LHX6: variants seen among roughly 807,000 people sequenced by gnomAD.
The protein encoded by LHX6 is LIM/homeobox protein Lhx6.
In LHX6, 15 loss-of-function variants were observed where a neutral mutation model predicts 47.1. The observed-to-expected ratio is 0.32, with a 90% confidence interval of 0.21 to 0.49. The LOEUF (loss-of-function observed/expected upper bound fraction) is 0.49. Among genes scored for constraint, LHX6 ranks in the 20% least tolerant of loss-of-function variants. The probability of loss-of-function intolerance (pLI) is 0.99; values close to 1 mark genes in which losing one functional copy is unlikely to be tolerated. For synonymous variants in LHX6, 242 were observed against 233.5 expected (o/e 1.04, Z -0.33); for missense variants, 404 against 539.6 (o/e 0.75, Z 2.49).
At chr9:122,219,114 G>T (rs12237553) in intron 4 of LHX6, among the ~76,000 whole-genome samples, 27,509 of 152,134 alleles carry the variant, frequency 0.18, 3,170 homozygotes, top group Admixed American at 0.28. Flanking sequence ...CGGCAAAAAG[G>T]CTCTGGTTAC....
chr9:122,226,298 A>T lies in LHX6; in HGVS notation c.461+78T>A, dbSNP rs1489774870. On this transcript the variant is annotated intron_variant, in intron 4 of 9. Coordinates refer to ENST00000394319, the MANE Select transcript of LHX6 (RefSeq NM_014368.5). This position sits in a 1 kb window ranked among gnomAD's most constrained non-coding sequence, Gnocchi z 6.5. ...ACGCCGGGGTTCTGGAGGAGAGACCACACGCCGCAAAAGTGGCCTCCGAAT... is the reference window on the plus strand; with the variant it reads ...ACGCCGGGGTTCTGGAGGAGAGACCTCACGCCGCAAAAGTGGCCTCCGAAT... The T allele has an allele frequency of 3.3e-6, 5 of 1,526,768 alleles. No individual in the cohort carries two copies. The African/African-American group carries it at 6.9e-5, about 21-fold the overall frequency. 94.6% of individuals were successfully genotyped at this position (1,526,768 alleles called of 1,614,324 possible).
chr9:122,209,621 C>G lies in LHX6; in HGVS notation c.1151G>C (p.Gly384Ala). The G allele has an allele frequency of 6.2e-7, 1 of 1,611,028 alleles. No homozygotes were observed. The highest frequency in any genetic ancestry group is 2.2e-5 in the East Asian group (1 of 44,864). The change falls in exon 9 of 10, where the codon GGT (glycine) becomes GCT (alanine). Residue 384 changes from glycine (G) to alanine (A), a missense_variant. This residue lies in a region of LHX6 where 127 missense variants were observed against 116.1 expected (regional missense o/e 1.09). Transcript: ENST00000394319. Reference protein sequence around the residue: ...ADMDGPLSNRGEKVILFQY With the variant: ...ADMDGPLSNRAEKVILFQY ...CAACCTGGCTCCATTTACCTTCTCA[C>G]CCCGGTTGGAGAGCGGCCCATCCAT...
At chr9:122,228,354 G>T (rs972755295) in intron 1 of LHX6, 6 of 1,531,084 alleles carry the variant, frequency 3.9e-6, no homozygotes, top group Non-Finnish European at 5.2e-6. Flanking sequence ...AACCCCCGGC[G>T]CATCGGCGCT....
At position 122,213,408 on chromosome 9, in the gene LHX6, C is replaced by T. The variant is rs1294379721; in HGVS notation, c.1054+198G>A. 6.6e-6 allele frequency among the ~76,000 whole-genome samples: 1 copy of T among 152,272 alleles called. No homozygotes were observed. Among genetic ancestry groups the T allele is most frequent in the East Asian group, 1.9e-4 (1 of 5,156 alleles). On this transcript the variant is annotated intron_variant, in intron 8 of 9. Coordinates refer to ENST00000394319, the MANE Select transcript of LHX6 (RefSeq NM_014368.5). This position sits in a 1 kb window ranked among gnomAD's most constrained non-coding sequence, Gnocchi z 5.5. ...TGAATCGCTTGCCTCTATGAAGGAT[C>T]CCGCTCCACTGAGGCAGAGCCGAAG...
chr9:122,227,633 A>G, intron 1 of LHX6, 153 bp from the exon 2 acceptor site: 2 of 1,343,286 alleles, frequency 1.5e-6, no homozygotes. Context: ...TTCCCCACAA[A>G]AGCGGTGTCT....
rs377150268 is a variant in LHX6, at chr9:122,213,441, C to G, written c.1054+165G>C. Among the ~76,000 whole-genome samples, 251 of 152,302 alleles carry G rather than the reference C, an allele frequency of 1.6e-3. 1 individual carries two copies. The highest frequency in any genetic ancestry group is 5.5e-3 in the African/African-American group (229 of 41,576). ...ACTGAGGCAGAGCCGAAGATTTGAC[C>G]CTTCTTCCCCCAACTCCTAGATCCA... On this transcript the variant is annotated intron_variant, in intron 8 of 9. Coordinates refer to ENST00000394319, the MANE Select transcript of LHX6 (RefSeq NM_014368.5). The surrounding 1 kb of genome is among the most constrained non-coding windows in gnomAD (Gnocchi z 5.5).
At position 122,228,814 on chromosome 9, in the gene LHX6, G is replaced by C; in HGVS notation, c.-74C>G. On this transcript the variant is annotated 5_prime_UTR_variant, in exon 1 of 10. Transcript: ENST00000394319. Reference sequence around the variant, plus strand: ...CCGAGGGGGACCACAGCCGCAGTGGGAGCAGAGGCTGCTGCAGGAGCAGGA... The same window carrying C: ...CCGAGGGGGACCACAGCCGCAGTGGCAGCAGAGGCTGCTGCAGGAGCAGGA... 2.0e-6 allele frequency: 2 copies of C among 1,015,208 alleles called. No individual in the cohort carries two copies. Among genetic ancestry groups the C allele is most frequent in the Non-Finnish European group, 2.5e-6 (2 of 795,844 alleles). 62.9% of individuals were successfully genotyped at this position (1,015,208 alleles called of 1,614,324 possible).
Position 122,214,003 on chromosome 9 carries a change from T to C in LHX6, c.850A>G (p.Met284Val), listed in dbSNP as rs761309017. ...DAQTLQKLADMTGLSRRVIQV... is the reference protein window; with the variant it reads ...DAQTLQKLADVTGLSRRVIQV... Reference sequence around the variant, plus strand: ...ATGACTCTCCGGCTGAGGCCCGTCATGTCCGCCAGCTTCTGCAGCGTCTGA... The same window carrying C: ...ATGACTCTCCGGCTGAGGCCCGTCACGTCCGCCAGCTTCTGCAGCGTCTGA... The change falls in exon 7 of 10, where the codon ATG becomes GTG. Residue 284 changes from methionine to valine, a missense_variant. Met to Val is a conservative substitution (Grantham distance 21, BLOSUM62 1). This residue lies in a region of LHX6 where 23 missense variants were observed against 28.6 expected (regional missense o/e 0.80). Transcript: ENST00000394319. The surrounding 1 kb of genome is among the most constrained non-coding windows in gnomAD (Gnocchi z 4.6). 3.9e-5 allele frequency: 60 copies of C among 1,532,814 alleles called. No homozygotes were observed. Among genetic ancestry groups the C allele is most frequent in the Non-Finnish European group, 4.9e-5 (56 of 1,134,134 alleles). The allele number at this position is 1,532,814 out of a possible 1,614,324, so 95.0% of individuals were successfully genotyped here.
At chr9:122,228,508 C>T in intron 1 of LHX6, 149 bp downstream of exon 1, 1 of 1,335,312 alleles carries the variant, frequency 7.5e-7, no homozygotes, top group Non-Finnish European at 9.7e-7. Context: ...CGCTCGCGCG[C>T]GCGCTCCCAC....
intron 4 of LHX6, chr9:122,221,339 A>G: frequency 1.0e-6 from 1 of 985,332 alleles, no homozygotes; most frequent in Non-Finnish European, 1.2e-6. Context: ...TCTGTCCCCC[A>G]ACAGCTGGCC....
chr9:122,228,339 G>A (rs760564270), intron 1 of LHX6: 4 of 1,533,350 alleles, frequency 2.6e-6, no homozygotes, highest in South Asian at 2.4e-5. Context: ...GCGCTGCGCC[G>A]GCACAACCCC....
In LHX6 at chr9:122,228,688, A is replaced by T; in HGVS notation, c.53T>A (p.Leu18Gln). 7.7e-7 allele frequency: 1 copy of T among 1,291,108 alleles called. No individual in the cohort carries two copies. The highest frequency in any genetic ancestry group is 1.6e-5 in the African/African-American group (1 of 64,364). 80.0% of individuals were successfully genotyped at this position (1,291,108 alleles called of 1,614,324 possible). Residue 18 changes from leucine to glutamine, a missense_variant, in exon 1 of 10, where the codon CTG (leucine) becomes CAG (glutamine). Physicochemically the swap from Leu to Gln is moderately radical, Grantham distance 113. This residue lies in a region of LHX6 where 144 missense variants were observed against 128.7 expected (regional missense o/e 1.12). Coordinates refer to ENST00000394319, the MANE Select transcript of LHX6 (RefSeq NM_014368.5). ...AAPALPEGCRLPAEGGPATDQ... is the reference protein window; with the variant it reads ...AAPALPEGCRQPAEGGPATDQ... Reference sequence around the variant, plus strand: ...GGTGGCGGGGCCGCCCTCGGCCGGCAGCCGGCAGCCCTCGGGCAACGCCGG... The same window carrying T: ...GGTGGCGGGGCCGCCCTCGGCCGGCTGCCGGCAGCCCTCGGGCAACGCCGG...
At chr9:122,210,388 C>A (rs985471271) in intron 8 of LHX6, among the ~76,000 whole-genome samples, 9 of 152,202 alleles carry the variant, frequency 5.9e-5, no homozygotes, top group Admixed American at 5.9e-4. Context: ...TATTCAGACC[C>A]TCCCTCAGTA....
rs141013048 is a variant in LHX6 at position 122,218,044 on chromosome 9, A to T, written c.462-756T>A. Among the ~76,000 whole-genome samples the T allele has an allele frequency of 2.9e-3, 436 of 152,334 alleles. 15 individuals are homozygous for T. The East Asian group carries it at 0.075, about 26-fold the overall frequency. On this transcript the variant is annotated intron_variant, in intron 4 of 9. Coordinates refer to ENST00000394319, the MANE Select transcript of LHX6 (RefSeq NM_014368.5). ...ATGTTAAAAAGACAAAAATAAAAAT[A>T]AAAAGCCCAGATCGAATGTCTTCTT...
chr9:122,212,886 C>G (rs1055198015), intron 8 of LHX6, among the ~76,000 whole-genome samples: 1 of 152,174 alleles, frequency 6.6e-6, no homozygotes, highest in African/African-American at 2.4e-5. Context: ...CAAGATATAG[C>G]TACTGAATGC....
intron 1 of LHX6, chr9:122,228,154 T>C (rs1253443131): frequency 2.7e-6 from 2 of 730,274 alleles, no homozygotes. Flanking sequence ...AGCAGCTATA[T>C]TGACACGGAT....
In LHX6 at chr9:122,226,681, C is replaced by T; in HGVS notation, c.339+167G>A. Reference sequence around the variant, plus strand: ...AAATAAACTCTTCTTATTTTTCAGACGGAACCCGGGGGCTCAGGCAGACCC... The same window carrying T: ...AAATAAACTCTTCTTATTTTTCAGATGGAACCCGGGGGCTCAGGCAGACCC... On this transcript the variant is annotated intron_variant, in intron 3 of 9. Coordinates refer to ENST00000394319, the MANE Select transcript of LHX6 (RefSeq NM_014368.5). This position sits in a 1 kb window ranked among gnomAD's most constrained non-coding sequence, Gnocchi z 6.5. 1 of 1,226,300 alleles carries T rather than the reference C, an allele frequency of 8.2e-7. No individual in the cohort carries two copies. 76.0% of individuals were successfully genotyped at this position (1,226,300 alleles called of 1,614,324 possible).
At position 122,213,940 on chromosome 9, in the gene LHX6, C is replaced by G. The variant is rs748502667; in HGVS notation, c.879+34G>C. On this transcript the variant is annotated intron_variant, in intron 7 of 9. Coordinates refer to ENST00000394319, the MANE Select transcript of LHX6 (RefSeq NM_014368.5). The surrounding 1 kb of genome is among the most constrained non-coding windows in gnomAD (Gnocchi z 5.5). The stretch of plus-strand genomic sequence containing the variant: ...CCAGCTACGAGCTCCGGGGCGTGCC[C>G]GCGGTCCCCAGGCCCCGCCCACCCC... The G allele has an allele frequency of 7.2e-6, 11 of 1,529,312 alleles. No homozygotes were observed. The East Asian group carries it at 2.3e-4, about 31-fold the overall frequency. 94.7% of individuals were successfully genotyped at this position (1,529,312 alleles called of 1,614,324 possible).
intron 9 of LHX6, among the ~76,000 whole-genome samples, chr9:122,206,402 G>A (rs1406806766): frequency 1.3e-5 from 2 of 152,118 alleles, no homozygotes; most frequent in African/African-American, 2.4e-5. Flanking sequence ...ACACCCTGCC[G>A]CCCACCAAGC....
Sources: gnomAD v4.1 joint callset for allele counts (sites outside exome capture counted in the v4.1 genomes callset) on GRCh38, gnomAD v4.1.1 for gene constraint, gnomAD v4.1.1 regional missense constraint, Gnocchi (gnomAD v3.1) non-coding constraint, MANE v1.5 for transcripts, NCBI Gene and HGNC (gene_info 2026-07-23, HGNC 2026-07-21) for gene names.